The following PFKP variants were observed in gnomAD, a reference collection of about 807,000 sequenced individuals.
PFKP encodes phosphofructokinase, platelet, also known as ATP-dependent 6-phosphofructokinase, platelet type.
Under a neutral mutation model 94.3 loss-of-function variants are expected in PFKP, and 101 were observed. That is an observed-to-expected ratio of 1.07 (90% CI 0.91 to 1.26). The LOEUF is 1.26. Among genes scored for constraint, PFKP ranks in the 50% most tolerant of loss-of-function variants. The pLI is 0.00. For missense variants in PFKP, 1,145 were observed against 1,103.3 expected (o/e 1.04, Z -0.53); for synonymous variants, 573 against 432.6 (o/e 1.32, Z -4.03).
chr10:3,094,527 G>GCGTT (rs1834324698), intron 2 of PFKP, among the ~76,000 whole-genome samples: 1 of 152,224 alleles, frequency 6.6e-6, no homozygotes, highest in Admixed American at 6.5e-5. Context: ...CTGGACAAGA[G>GCGTT]CGTTCCTTCA....
chr10:3,106,570 CCACAGCCG>C, intron 7 of PFKP, among the ~76,000 whole-genome samples: 1 of 151,226 alleles, frequency 6.6e-6, no homozygotes, highest in East Asian at 2.0e-4. Context: ...TTCCAGTGAG[CCACAGCCG>C]CCCTGCTCCT....
chr10:3,132,332 G>A lies in PFKP; in HGVS notation c.1849-48G>A, dbSNP rs369234666. The A allele has an allele frequency of 6.7e-6, 9 of 1,341,374 alleles. No homozygotes were observed. The African/African-American group carries it at 1.3e-4, about 19-fold the overall frequency. 83.1% of individuals were successfully genotyped at this position (1,341,374 alleles called of 1,614,324 possible). ...GCCTGCAGTGCCTGGCACACAGTAG[G>A]TACTTAGTAGAAGTTTATTGTCTGA... On this transcript the variant is annotated intron_variant, in intron 17 of 21. Coordinates refer to ENST00000381125, the MANE Select transcript of PFKP (RefSeq NM_002627.5).
Position 3,113,402 on chromosome 10 carries a change from G to A in PFKP, c.1255G>A (p.Gly419Arg). 1 of 1,598,472 alleles carries A rather than the reference G, an allele frequency of 6.3e-7. No homozygotes were observed. Among genetic ancestry groups the A allele is most frequent in the Non-Finnish European group, 8.5e-7 (1 of 1,170,270 alleles). The change falls in exon 13 of 22, where the codon GGG becomes AGG. Residue 419 changes from glycine to arginine, a missense_variant. Transcript: ENST00000381125. ...TTGCAACGTAGCTGTCATCAACGTG[G>A]GGGCACCCGCGGCTGGGATGAACGC... Reference protein sequence around the residue: ...TNCNVAVINVGAPAAGMNAAV... With the variant: ...TNCNVAVINVRAPAAGMNAAV...
chr10:3,125,817 A>G (rs1351401626), intron 16 of PFKP, among the ~76,000 whole-genome samples: 2 of 152,026 alleles, frequency 1.3e-5, no homozygotes. Context: ...GGTCCCTGAT[A>G]CTCTGACCTA....
intron 11 of PFKP, 116 bp from the exon 12 acceptor site, chr10:3,113,003 C>A: frequency 1.1e-6 from 1 of 911,594 alleles, no homozygotes; most frequent in Non-Finnish European, 1.7e-6. Flanking sequence ...CTCCTTCTGC[C>A]CAGATAGTCG....
At chr10:3,079,970 C>G (rs539965994) in intron 1 of PFKP, among the ~76,000 whole-genome samples, 6 of 151,098 alleles carry the variant, frequency 4.0e-5, no homozygotes, top group African/African-American at 7.3e-5. Context: ...TGTCCTGCCA[C>G]GAATAAATGG....
chr10:3,136,255 C>T (rs779504553), intron 21 of PFKP, among the ~76,000 whole-genome samples, 195 bp from the exon 22 acceptor site: 3 of 152,170 alleles, frequency 2.0e-5, no homozygotes, highest in Non-Finnish European at 4.4e-5. Flanking sequence ...CAGAGCGAGA[C>T]TCCACCACTG....
chr10:3,097,071 C>T (rs1834542748), intron 2 of PFKP, among the ~76,000 whole-genome samples: 1 of 54,230 alleles, frequency 1.8e-5, no homozygotes. Flanking sequence ...CAGCGAGACT[C>T]CGTCTCAAAA....
rs967005066 is a variant in PFKP at position 3,113,666 on chromosome 10, G to A, written c.1371+148G>A. On this transcript the variant is annotated intron_variant, in intron 13 of 21. Coordinates refer to ENST00000381125, the MANE Select transcript of PFKP (RefSeq NM_002627.5). ...ATATTGTGACTGAAGCATTGCTTCTGGAGTAAAATCTCACCCTAAGGTAGG... is the reference window on the plus strand; with the variant it reads ...ATATTGTGACTGAAGCATTGCTTCTAGAGTAAAATCTCACCCTAAGGTAGG... 6.5e-5 allele frequency: 3 copies of A among 46,404 alleles called. No homozygotes were observed. In the South Asian group the frequency reaches 8.1e-4, roughly 12 times the overall value. The allele number at this position is 46,404 out of a possible 1,614,324, so 2.9% of individuals were successfully genotyped here. A position where few individuals can be genotyped will look rare whatever the true frequency, so the allele number is the denominator to read the frequency against.
rs111473835 is a variant in PFKP at position 3,121,976 on chromosome 10, C to T, written c.1683+1932C>T. Reference sequence around the variant, plus strand: ...AGCTGGGACTACAGGTGGGTGCCACCGTGCCCAGCTAATTTTTTGTATTTC... The same window carrying T: ...AGCTGGGACTACAGGTGGGTGCCACTGTGCCCAGCTAATTTTTTGTATTTC... On this transcript the variant is annotated intron_variant, in intron 16 of 21. Transcript: ENST00000381125. Among the ~76,000 whole-genome samples, 791 of 151,842 alleles carry T rather than the reference C, an allele frequency of 5.2e-3. 7 individuals are homozygous for T. The highest frequency in any genetic ancestry group is 0.018 in the African/African-American group (741 of 41,400).
chr10:3,109,309 G>A (rs1483455876), intron 9 of PFKP, 46 bp from the exon 10 acceptor site: 1 of 1,602,820 alleles, frequency 6.2e-7, no homozygotes, highest in Non-Finnish European at 8.5e-7. Context: ...ACAGGGACAG[G>A]GCAGGACGGG....
intron 20 of PFKP, among the ~76,000 whole-genome samples, chr10:3,135,379 TTGCTAATTTAGCTA>T (rs1284365113): frequency 6.6e-6 from 1 of 152,276 alleles, no homozygotes. Context: ...CGATTTTCTT[TTGCTAATTTAGCTA>T]TGGATGCTTT....
intron 1 of PFKP, among the ~76,000 whole-genome samples, chr10:3,077,225 T>A (rs1046869771): frequency 1.3e-5 from 2 of 151,144 alleles, no homozygotes; most frequent in African/African-American, 4.9e-5. Context: ...CCAGATTATT[T>A]CATTAGAGTT....
chr10:3,111,249 C>T (rs1007705868), intron 10 of PFKP, among the ~76,000 whole-genome samples: 2 of 150,386 alleles, frequency 1.3e-5, no homozygotes, highest in African/African-American at 2.5e-5. Flanking sequence ...CAGATGTGTG[C>T]ATGTTGGCAT....
At chr10:3,103,110 A>T (rs772252970) in intron 4 of PFKP, among the ~76,000 whole-genome samples, 1 of 152,220 alleles carries the variant, frequency 6.6e-6, no homozygotes, top group Non-Finnish European at 1.5e-5. Context: ...CTAGTGTCTT[A>T]GATTCTTAAT....
At chr10:3,125,069 C>A in intron 16 of PFKP, 1 of 1,212,216 alleles carries the variant, frequency 8.2e-7, no homozygotes, top group East Asian at 6.8e-5. Flanking sequence ...CCGGCACCCC[C>A]GCTAACCGCT....
At chr10:3,101,705 C>G in intron 4 of PFKP, 151 bp downstream of exon 4, 3 of 576,088 alleles carry the variant, frequency 5.2e-6, no homozygotes. Context: ...TCTCAAAAAA[C>G]AACAGCAATG....
rs776395047 is a variant in PFKP, at chr10:3,120,052, C to A, written c.1683+8C>A. The A allele has an allele frequency of 5.0e-6, 8 of 1,613,108 alleles. No individual in the cohort carries two copies. In the Admixed American group the frequency reaches 6.7e-5, roughly 13 times the overall value. ...CTGAACACTATCACCGACGTAAGTC[C>A]GTGTGCGCCCTGCCAGGCGGGCGCC... On this transcript the variant is annotated splice_region_variant and intron_variant, in intron 16 of 21. Coordinates refer to ENST00000381125, the MANE Select transcript of PFKP (RefSeq NM_002627.5).
chr10:3,071,434 T>G (rs1167178094), intron 1 of PFKP, among the ~76,000 whole-genome samples: 3 of 100,898 alleles, frequency 3.0e-5, no homozygotes, highest in African/African-American at 8.6e-5. Context: ...GCTGTTTTTT[T>G]TTTTTTTTTT....
Sources: gnomAD v4.1 joint callset for allele counts (sites outside exome capture counted in the v4.1 genomes callset) on GRCh38, gnomAD v4.1.1 for gene constraint, MANE v1.5 for transcripts, NCBI Gene and HGNC (gene_info 2026-07-23, HGNC 2026-07-21) for gene names.